GRID1: variants seen among roughly 807,000 people sequenced by gnomAD.
GRID1 encodes glutamate ionotropic receptor delta type subunit 1.
In GRID1, 28 loss-of-function variants were observed where a neutral mutation model predicts 98.0. That is an observed-to-expected ratio of 0.29 (90% CI 0.21 to 0.39). The LOEUF is 0.39. Ranked by LOEUF, GRID1 falls within the 10% of genes least tolerant of loss-of-function variation. The pLI, the probability that GRID1 is intolerant of heterozygous loss-of-function variation, is 1.00. For synonymous variants in GRID1, 553 were observed against 538.5 expected, an observed-to-expected ratio of 1.03 and a Z score of -0.37; for missense variants, 1,111 against 1,340.5, an observed-to-expected ratio of 0.83 and a Z score of 2.67.
chr10:85,737,673 T>TATATATATAA lies in GRID1; in HGVS notation c.1234-8060_1234-8059insTTATATATAT, dbSNP rs1342754070. ...ATATATATATATATATATATATATA[T>TATATATATAA]AAACATATATGGTTATATATATATA... On this transcript the variant is annotated intron_variant, in intron 8 of 15. Coordinates refer to ENST00000327946, the MANE Select transcript of GRID1 (RefSeq NM_017551.3). Among the ~76,000 whole-genome samples the TATATATATAA allele has an allele frequency of 8.3e-4, 94 of 113,014 alleles. 3 individuals are homozygous for TATATATATAA. The highest frequency in any genetic ancestry group is 2.6e-3 in the African/African-American group (74 of 28,176). The allele number at this position is 113,014 out of a possible 152,430, so 74.1% of individuals were successfully genotyped here. A position where few individuals can be genotyped will look rare whatever the true frequency, so the allele number is the denominator to read the frequency against.
intron 3 of GRID1, among the ~76,000 whole-genome samples, chr10:86,164,330 G>A (rs963962138): frequency 2.6e-5 from 4 of 152,234 alleles, no homozygotes; most frequent in Admixed American, 2.0e-4. Context: ...GGATGCCAGC[G>A]CTGGGGTGGC....
intron 13 of GRID1, among the ~76,000 whole-genome samples, chr10:85,631,611 A>G (rs796410830): frequency 6.6e-6 from 1 of 152,258 alleles, no homozygotes; most frequent in Non-Finnish European, 1.5e-5. Flanking sequence ...AAAATCTGCA[A>G]TTGTACACTA....
chr10:86,073,390 T>C (rs1843832065), intron 4 of GRID1, among the ~76,000 whole-genome samples: 1 of 152,236 alleles, frequency 6.6e-6, no homozygotes. Flanking sequence ...TTCATCTGTG[T>C]GCTGGGAGAG....
intron 8 of GRID1, among the ~76,000 whole-genome samples, chr10:85,747,157 T>A (rs1842005264): frequency 6.6e-6 from 1 of 152,136 alleles, no homozygotes; most frequent in South Asian, 2.1e-4. Flanking sequence ...TTGTGTCAAT[T>A]AAATAATCCA....
rs149606536 is a variant in GRID1 at position 85,966,439 on chromosome 10, T to C, written c.727-50200A>G. On this transcript the variant is annotated intron_variant, in intron 4 of 15. Coordinates refer to ENST00000327946, the MANE Select transcript of GRID1 (RefSeq NM_017551.3). ...AAGAATACAGAGAGTTGTAAGTACC[T>C]ACATGAGCATCTAAAGCATGCCCCA... is the stretch of plus-strand genomic sequence containing the variant. Among the ~76,000 whole-genome samples the C allele has an allele frequency of 2.2e-3, 341 of 152,230 alleles. 4 individuals are homozygous for C. Among genetic ancestry groups the C allele is most frequent in the African/African-American group, 7.8e-3 (326 of 41,560 alleles).
chr10:85,761,979 T>C, intron 8 of GRID1, among the ~76,000 whole-genome samples: 1 of 152,238 alleles, frequency 6.6e-6, no homozygotes, highest in East Asian at 1.9e-4. Context: ...TGTAGTTTGC[T>C]CCTCTCCAAT....
At chr10:85,954,510 A>C (rs1447164864) in intron 4 of GRID1, among the ~76,000 whole-genome samples, 1 of 152,226 alleles carries the variant, frequency 6.6e-6, no homozygotes, top group Non-Finnish European at 1.5e-5. Context: ...AGGCAACCAA[A>C]AAAAGCCTTT....
intron 2 of GRID1, among the ~76,000 whole-genome samples, chr10:86,255,957 G>A (rs139843490): frequency 6.0e-4 from 91 of 152,270 alleles, no homozygotes; most frequent in Non-Finnish European, 9.1e-4. Flanking sequence ...CACAACAGCC[G>A]GTAACCAGGG....
chr10:86,244,664 T>C lies in GRID1; in HGVS notation c.236-38016A>G, dbSNP rs1044041805. ...AGAGGCAGCGAGGCCTGGGCCCCTT[T>C]ACCCTCTCGTGGATGGACAGACAGA... On this transcript the variant is annotated intron_variant, in intron 2 of 15. Transcript: ENST00000327946. Among the ~76,000 whole-genome samples the C allele has an allele frequency of 5.9e-5, 9 of 152,214 alleles. No individual in the cohort carries two copies. In the South Asian group the frequency reaches 1.5e-3, roughly 25 times the overall value.
intron 12 of GRID1, among the ~76,000 whole-genome samples, chr10:85,671,978 A>T (rs929713066): frequency 5.9e-5 from 9 of 152,220 alleles, no homozygotes; most frequent in Non-Finnish European, 1.2e-4. Flanking sequence ...GTAGGAAAAA[A>T]AGTTGGAAGC....
At chr10:86,050,112 C>G (rs544567819) in intron 4 of GRID1, among the ~76,000 whole-genome samples, 160 of 152,198 alleles carry the variant, frequency 1.1e-3, no homozygotes, top group Non-Finnish European at 2.0e-3. Flanking sequence ...AGATGGCTCA[C>G]AGGGATCACT....
At chr10:86,258,452 C>T in intron 2 of GRID1, among the ~76,000 whole-genome samples, 1 of 152,186 alleles carries the variant, frequency 6.6e-6, no homozygotes, top group Non-Finnish European at 1.5e-5. Flanking sequence ...ATCTCAGTGG[C>T]TTAAATCAGC....
chr10:86,012,364 A>AAT (rs1564649576), intron 4 of GRID1, among the ~76,000 whole-genome samples: 1 of 151,634 alleles, frequency 6.6e-6, no homozygotes, highest in African/African-American at 2.4e-5. Flanking sequence ...CCAGGAGTAA[A>AAT]GTACCTAGCA....
At chr10:86,242,896 A>G (rs4934171) in intron 2 of GRID1, among the ~76,000 whole-genome samples, 6,674 of 152,274 alleles carry the variant, frequency 0.044, 259 homozygotes, top group Admixed American at 0.11. Context: ...TGGTACTGAC[A>G]GCCAATGGAC....
intron 6 of GRID1, among the ~76,000 whole-genome samples, chr10:85,860,298 A>C (rs1843152811): frequency 6.6e-6 from 1 of 152,218 alleles, no homozygotes; most frequent in Non-Finnish European, 1.5e-5. Flanking sequence ...ACCTAGGAAC[A>C]CTGCAGCATA....
chr10:85,856,956 G>C (rs1276668644), intron 6 of GRID1, among the ~76,000 whole-genome samples: 1 of 152,180 alleles, frequency 6.6e-6, no homozygotes, highest in African/African-American at 2.4e-5. Context: ...TAGCAACAGA[G>C]GTGACTGTAG....
chr10:85,712,322 A>G (rs1384053471), intron 12 of GRID1, among the ~76,000 whole-genome samples: 1 of 151,882 alleles, frequency 6.6e-6, no homozygotes, highest in East Asian at 1.9e-4. Context: ...AAGATATTCC[A>G]TGCAAGTGGT....
At chr10:85,646,959 A>C in intron 13 of GRID1, 1 of 543,940 alleles carries the variant, frequency 1.8e-6, no homozygotes, top group Non-Finnish European at 3.3e-6. Context: ...GGGTGGGCCA[A>C]AAGTCAGGCT....
chr10:85,623,226 T>C (rs1216495902), intron 13 of GRID1, among the ~76,000 whole-genome samples: 1 of 152,154 alleles, frequency 6.6e-6, no homozygotes, highest in Non-Finnish European at 1.5e-5. Context: ...TGCAGACATC[T>C]CCCCAGTTTC....
Sources: allele counts gnomAD v4.1 joint callset (sites outside exome capture counted in the v4.1 genomes callset), GRCh38; gene constraint gnomAD v4.1.1; transcripts MANE v1.5; gene names NCBI Gene and HGNC (gene_info 2026-07-23, HGNC 2026-07-21).